Variants in ACACB observed in about 807,000 individuals in gnomAD.
ACACB encodes acetyl-CoA carboxylase beta.
In ACACB, 209 loss-of-function variants were observed where a neutral mutation model predicts 278.8. The ratio of observed to expected loss-of-function variants is 0.75; its 90% CI spans 0.67 to 0.84. The LOEUF (loss-of-function observed/expected upper bound fraction) is 0.84, where lower values mean the gene tolerates loss of function less well. Among genes scored for constraint, ACACB ranks in the 40% least tolerant of loss-of-function variants. ACACB has a pLI of 0.00. For synonymous variants in ACACB, 1,174 were observed against 1,285.6 expected (o/e 0.91, Z 1.86); for missense variants, 2,850 against 3,269.0 (o/e 0.87, Z 3.13).
intron 2 of ACACB, among the ~76,000 whole-genome samples, chr12:109,151,847 T>G (rs2043384234): frequency 1.3e-5 from 2 of 152,336 alleles, no homozygotes; most frequent in South Asian, 4.1e-4. Flanking sequence ...AAAGGTGGTG[T>G]TGTGCTTGGA....
At chr12:109,199,672 A>C in intron 18 of ACACB, 120 bp downstream of exon 18, 1 of 1,074,522 alleles carries the variant, frequency 9.3e-7, no homozygotes, top group Non-Finnish European at 1.2e-6. Context: ...CAAATTTCTA[A>C]GGGAATCAGT....
At position 109,209,876 on chromosome 12, in the gene ACACB, C is replaced by T. The variant is rs1207050758; in HGVS notation, c.3249+523C>T. 6.8e-5 allele frequency among the ~76,000 whole-genome samples: 9 copies of T among 132,904 alleles called. 1 individual carries two copies. Among genetic ancestry groups the T allele is most frequent in the African/African-American group, 2.6e-4 (9 of 34,744 alleles). The allele number at this position is 132,904 out of a possible 152,430, so 87.2% of individuals were successfully genotyped here. A position where few individuals can be genotyped will look rare whatever the true frequency, so the allele number is the denominator to read the frequency against. ...ATATATGTATATACACACATACACA[C>T]ACGTGTGTATATATGTATATACACA... On this transcript the variant is annotated intron_variant, in intron 21 of 52. Transcript: ENST00000338432.
At chr12:109,245,222 T>C (rs1020019694) in intron 37 of ACACB, among the ~76,000 whole-genome samples, 4 of 152,110 alleles carry the variant, frequency 2.6e-5, no homozygotes, top group Non-Finnish European at 5.9e-5. Flanking sequence ...AGTGTGGTAC[T>C]CTTTATTTAA....
intron 2 of ACACB, among the ~76,000 whole-genome samples, 173 bp from the exon 3 acceptor site, chr12:109,166,688 T>G (rs1034908966): frequency 8.2e-6 from 1 of 122,262 alleles, no homozygotes; most frequent in Non-Finnish European, 1.7e-5. Flanking sequence ...CCGAAGGTGC[T>G]TCCTGCCCTT....
At chr12:109,113,733 C>T (rs1016031792), upstream of ACACB, among the ~76,000 whole-genome samples, 2 of 152,174 alleles carry the variant, frequency 1.3e-5, no homozygotes. Flanking sequence ...AACTTTTTGG[C>T]GTATGCGTGT....
At chr12:109,144,525 G>C (rs1173923795) in intron 2 of ACACB, among the ~76,000 whole-genome samples, 1 of 152,054 alleles carries the variant, frequency 6.6e-6, no homozygotes, top group Non-Finnish European at 1.5e-5. Context: ...GCCATGGAAG[G>C]TGGTGTCAAA....
chr12:109,242,411 T>G, intron 36 of ACACB, 26 bp from the exon 37 acceptor site: 1 of 1,607,438 alleles, frequency 6.2e-7, no homozygotes, highest in Non-Finnish European at 8.5e-7. Context: ...TCTCTCACTC[T>G]CTGTTTTCCC....
intron 41 of ACACB, among the ~76,000 whole-genome samples, chr12:109,251,659 C>T (rs2047098409): frequency 6.6e-6 from 1 of 152,164 alleles, no homozygotes; most frequent in African/African-American, 2.4e-5. Context: ...ATATTGTTAA[C>T]TCAGTACAGA....
chr12:109,242,768 G>C (rs1286257729), intron 37 of ACACB, 176 bp downstream of exon 37: 1 of 687,952 alleles, frequency 1.5e-6, no homozygotes, highest in Non-Finnish European at 2.3e-6. Context: ...AGGGAGGATT[G>C]CTTGAGCCCA....
At chr12:109,200,031 CA>C (rs796623006) in intron 18 of ACACB, among the ~76,000 whole-genome samples, 6,356 of 61,420 alleles carry the variant, frequency 0.1, 125 homozygotes, top group South Asian at 0.16. Flanking sequence ...GACTCCGTCT[CA>C]AAAAAAAAAA....
Position 109,212,361 on chromosome 12 carries a change from A to G in ACACB, c.3250-475A>G, listed in dbSNP as rs185502801. Among the ~76,000 whole-genome samples, 45 of 152,276 alleles carry G rather than the reference A, an allele frequency of 3.0e-4. No individual in the cohort carries two copies. In the East Asian group the frequency reaches 8.5e-3, roughly 29 times the overall value. ...TTCAAGCACGTTACATTTATGGTGC[A>G]CTTTATTTCTATTATGATTACATTG... On this transcript the variant is annotated intron_variant, in intron 21 of 52. Transcript: ENST00000338432.
rs147335537 is a variant in ACACB at position 109,170,326 on chromosome 12, A to G, written c.926-1479A>G. ...GTGATCTGCCCGCCTCAGCCTCCCA[A>G]AGTGCTGGGATTACAGGTGTCAGCC... On this transcript the variant is annotated intron_variant, in intron 4 of 52. Coordinates refer to ENST00000338432, the MANE Select transcript of ACACB (RefSeq NM_001093.4). Among the ~76,000 whole-genome samples, 1,291 of 152,148 alleles carry G rather than the reference A, an allele frequency of 8.5e-3. 21 individuals are homozygous for G. The highest frequency in any genetic ancestry group is 0.03 in the African/African-American group (1,231 of 41,498).
In ACACB at chr12:109,167,610, T is replaced by A. The variant is rs549064886; in HGVS notation, c.787-286T>A. On this transcript the variant is annotated intron_variant, in intron 3 of 52. Coordinates refer to ENST00000338432, the MANE Select transcript of ACACB (RefSeq NM_001093.4). ...CAAGACTCTGTCTCAAAAAAAAAAATATATGTATGTGTATATATATATATA... is the reference window on the plus strand; with the variant it reads ...CAAGACTCTGTCTCAAAAAAAAAAAAATATGTATGTGTATATATATATATA... Among the ~76,000 whole-genome samples the A allele has an allele frequency of 4.8e-3, 575 of 119,326 alleles. 8 individuals are homozygous for A. Among genetic ancestry groups the A allele is most frequent in the African/African-American group, 0.019 (557 of 28,760 alleles). 78.3% of individuals were successfully genotyped at this position (119,326 alleles called of 152,430 possible).
intron 39 of ACACB, 77 bp downstream of exon 39, chr12:109,246,525 C>A: frequency 6.5e-7 from 1 of 1,534,124 alleles, no homozygotes; most frequent in Non-Finnish European, 8.8e-7. Flanking sequence ...CTAGCACCTG[C>A]AAGAGGTGAA....
Position 109,179,123 on chromosome 12 carries a change from C to T in ACACB, c.1473C>T (p.Leu491=), listed in dbSNP as rs374690617. 6 of 1,613,816 alleles carry T rather than the reference C, an allele frequency of 3.7e-6. 1 individual carries two copies. Among genetic ancestry groups the T allele is most frequent in the African/African-American group, 1.3e-5 (1 of 75,044 alleles). The stretch of plus-strand genomic sequence containing the variant: ...AGATCCCAGGCTCGCCCATCTTTCT[C>T]ATGAAGCTGGCCCAGCACGCCCGTC... ...QSEIPGSPIF[L]MKLAQHARHL... The change falls in exon 10 of 53, where the codon CTC becomes CTT. Residue 491 remains leucine, a synonymous_variant. Coordinates refer to ENST00000338432, the MANE Select transcript of ACACB (RefSeq NM_001093.4).
At chr12:109,113,167 G>A (rs1196823342), upstream of ACACB, 3 of 152,170 alleles carry the variant, frequency 2.0e-5, no homozygotes, top group Non-Finnish European at 2.9e-5. Flanking sequence ...CTGTCAGTGC[G>A]GTGGGAACAA....
intron 2 of ACACB, among the ~76,000 whole-genome samples, chr12:109,159,621 C>T (rs1175533445): frequency 1.3e-5 from 2 of 152,132 alleles, no homozygotes; most frequent in African/African-American, 2.4e-5. Context: ...TTCTAAACTG[C>T]GGCTCTGTTG....
At chr12:109,148,002 T>G (rs763215791) in intron 2 of ACACB, among the ~76,000 whole-genome samples, 10 of 152,220 alleles carry the variant, frequency 6.6e-5, no homozygotes, top group Admixed American at 1.3e-4. Context: ...TCTTCTGTCT[T>G]TGATAGGATC....
intron 11 of ACACB, among the ~76,000 whole-genome samples, chr12:109,184,083 C>T (rs376795833): frequency 6.6e-5 from 10 of 151,316 alleles, no homozygotes; most frequent in African/African-American, 1.7e-4. Flanking sequence ...GATGGAGTCT[C>T]GCCCTTTCAC....
Sources: gnomAD v4.1 joint callset for allele counts (sites outside exome capture counted in the v4.1 genomes callset) on GRCh38, gnomAD v4.1.1 for gene constraint, MANE v1.5 for transcripts, NCBI Gene and HGNC (gene_info 2026-07-23, HGNC 2026-07-21) for gene names.